The following USE1 variants were observed in gnomAD, a reference collection of about 807,000 sequenced individuals.
USE1 encodes vesicle transport protein USE1.
In USE1, 32 loss-of-function variants were observed where a neutral mutation model predicts 37.6. The ratio of observed to expected loss-of-function variants is 0.85; its 90% CI spans 0.64 to 1.14. USE1 has a LOEUF of 1.14. USE1 is among the 50% of genes most tolerant of loss of function. The pLI is 0.00. For missense variants in USE1, 310 were observed against 332.2 expected, an observed-to-expected ratio of 0.93 and a Z score of 0.52; for synonymous variants, 149 against 137.6, an observed-to-expected ratio of 1.08 and a Z score of -0.58.
In USE1 at chr19:17,215,471, G is replaced by A. The variant is rs1401923866; in HGVS notation, c.66G>A (p.Ala22=). The A allele has an allele frequency of 6.4e-7, 1 of 1,564,196 alleles. No homozygotes were observed. The highest frequency in any genetic ancestry group is 8.7e-7 in the Non-Finnish European group (1 of 1,155,984). ...RLLSRCEAMA[A]EKRDPDEWRL... is the part of the protein sequence containing the mutation. Reference sequence around the variant, plus strand: ...TATCCCGCTGCGAGGCGATGGCAGCGGAGAAACGGGACCCGGACGAGTGGC... The same window carrying A: ...TATCCCGCTGCGAGGCGATGGCAGCAGAGAAACGGGACCCGGACGAGTGGC... The change falls in exon 1 of 8, where the codon GCG becomes GCA. Residue 22 remains alanine, a synonymous_variant. Transcript: ENST00000263897.
chr19:17,218,024 C>T (rs1267438899), intron 5 of USE1: 6 of 353,894 alleles, frequency 1.7e-5, no homozygotes, highest in Admixed American at 8.6e-5. Flanking sequence ...GTAGAGGTTG[C>T]AGTGAGCTGA....
At chr19:17,217,553 T>G (rs983171877) in intron 5 of USE1, 91 bp downstream of exon 5, 5 of 1,535,204 alleles carry the variant, frequency 3.3e-6, no homozygotes, top group Admixed American at 1.9e-5. Context: ...ATGCCGAGAC[T>G]CCATGCCCTG....
In USE1 at chr19:17,216,224, C is replaced by G. The variant is rs1212962329; in HGVS notation, c.287C>G (p.Pro96Arg). The G allele has an allele frequency of 6.2e-7, 1 of 1,612,756 alleles. No homozygotes were observed. The highest frequency in any genetic ancestry group is 8.5e-7 in the Non-Finnish European group (1 of 1,179,828). Residue 96 changes from proline to arginine, a missense_variant, in exon 4 of 8, where the codon CCA becomes CGA. By Grantham distance (103) the Pro-to-Arg change is moderately radical. Transcript: ENST00000263897. ...ANQFLAPGRV[P>R]TTARERVPAT... ...CAGTTCCTGGCCCCTGGCCGTGTGC[C>G]AACCACAGCCAGAGAGCGAGTGCCC...
chr19:17,215,951 G>C, intron 2 of USE1, 41 bp from the exon 3 acceptor site: 4 of 1,583,552 alleles, frequency 2.5e-6, no homozygotes, highest in South Asian at 2.3e-5. Context: ...CTGAGCTGGG[G>C]ACCATGGACA....
In USE1 at chr19:17,218,410, G is replaced by A. The variant is rs764397061; in HGVS notation, c.422+19G>A. ...AGAGAACGTGAGTGTCTGCGGCCCT[G>A]GGGCAGTAGTGGCAATTGGGCGGTG... On this transcript the variant is annotated intron_variant, in intron 6 of 7. Transcript: ENST00000263897. The A allele has an allele frequency of 6.2e-7, 1 of 1,613,608 alleles. No individual in the cohort carries two copies. The highest frequency in any genetic ancestry group is 1.1e-5 in the South Asian group (1 of 91,080).
intron 1 of USE1, 103 bp downstream of exon 1, chr19:17,215,610 GCAGCGC>G: frequency 7.0e-7 from 1 of 1,433,648 alleles, no homozygotes; most frequent in Non-Finnish European, 9.4e-7. Flanking sequence ...AGCCTCTCGG[GCAGCGC>G]CCTTTCCGGT....
chr19:17,216,274 T>C lies in USE1; in HGVS notation c.337T>C (p.Ser113Pro). 2 of 1,613,054 alleles carry C rather than the reference T, an allele frequency of 1.2e-6. No individual in the cohort carries two copies. Among genetic ancestry groups the C allele is most frequent in the Non-Finnish European group, 1.7e-6 (2 of 1,179,826 alleles). Residue 113 changes from serine (S) to proline (P), a missense_variant, in exon 4 of 8, where the codon TCA (serine) becomes CCA (proline). Physicochemically the swap from Ser to Pro is moderately conservative, Grantham distance 74. Transcript: ENST00000263897. ...CGCCACAAAGACGGTGCATCTGCAG[T>C]CACGGGCGCGGTACACCAGCGAGAT... ...VPATKTVHLQ[S>P]RARYTSEMRS...
At position 17,216,008 on chromosome 19, in the gene USE1, G is replaced by A; in HGVS notation, c.169G>A (p.Val57Met). The A allele has an allele frequency of 5.6e-6, 9 of 1,607,286 alleles. No homozygotes were observed. The highest frequency in any genetic ancestry group is 6.8e-6 in the Non-Finnish European group (8 of 1,176,952). ...KVHASKPASEVINEYSWKVDF... is the reference protein window; with the variant it reads ...KVHASKPASEMINEYSWKVDF... ...GCCTTCCAGCAAACCGGCCTCTGAG[G>A]TGATCAATGAATATTCCTGGAAGGT... Residue 57 changes from valine (V) to methionine (M), a missense_variant, in exon 3 of 8, where the codon GTG becomes ATG. By Grantham distance (21) the Val-to-Met change is conservative. Coordinates refer to ENST00000263897, the MANE Select transcript of USE1 (RefSeq NM_018467.4).
Position 17,215,997 on chromosome 19 carries a change from C to A in USE1, c.158C>A (p.Pro53Gln), listed in dbSNP as rs767501711. Reference sequence around the variant, plus strand: ...TTCTTCTTCCTGCCTTCCAGCAAACCGGCCTCTGAGGTGATCAATGAATAT... The same window carrying A: ...TTCTTCTTCCTGCCTTCCAGCAAACAGGCCTCTGAGGTGATCAATGAATAT... ...LQALKVHASK[P>Q]ASEVINEYSW... is the part of the protein sequence containing the mutation. The change falls in exon 3 of 8, where the codon CCG (proline) becomes CAG (glutamine). Residue 53 changes from proline to glutamine, a missense_variant. Coordinates refer to ENST00000263897, the MANE Select transcript of USE1 (RefSeq NM_018467.4). 1.9e-6 allele frequency: 3 copies of A among 1,604,242 alleles called. No homozygotes were observed. Among genetic ancestry groups the A allele is most frequent in the South Asian group, 1.1e-5 (1 of 89,712 alleles).
In USE1 at chr19:17,215,490, G is replaced by T; in HGVS notation, c.85G>T (p.Glu29Ter). 6.4e-7 allele frequency: 1 copy of T among 1,561,628 alleles called. No homozygotes were observed. The highest frequency in any genetic ancestry group is 2.4e-5 in the East Asian group (1 of 41,662). ...AMAAEKRDPD[E>*]WRLEKYVGAL... is the part of the protein sequence containing the mutation. The stretch of plus-strand genomic sequence containing the variant: ...GGCAGCGGAGAAACGGGACCCGGAC[G>T]AGTGGCGCCTGGAGAAGGTGAGGGG... Residue 29 changes from glutamate (E) to a stop codon, truncating the protein, a stop_gained, in exon 1 of 8, where the codon GAG becomes TAG. Transcript: ENST00000263897. LOFTEE classifies it high-confidence loss of function.
rs922461393 is a variant in USE1, at chr19:17,217,427, C to G, written c.385-26C>G. 3 of 1,609,722 alleles carry G rather than the reference C, an allele frequency of 1.9e-6. No individual in the cohort carries two copies. The African/African-American group carries it at 4.0e-5, about 22-fold the overall frequency. On this transcript the variant is annotated intron_variant, in intron 4 of 7. Transcript: ENST00000263897. The stretch of plus-strand genomic sequence containing the variant: ...CTGGGAGTGAGCCACTGCACCCAGC[C>G]TCATGCCACTTACTTCTTTCCACAG...
chr19:17,219,461 T>C, intron 7 of USE1, 74 bp downstream of exon 7: 1 of 1,470,760 alleles, frequency 6.8e-7, no homozygotes, highest in African/African-American at 1.4e-5. Context: ...AGGAGCATTG[T>C]GGCTGGGGCT....
chr19:17,217,403 TG>T, intron 4 of USE1, 49 bp from the exon 5 acceptor site: 2 of 1,603,876 alleles, frequency 1.2e-6, no homozygotes, highest in Non-Finnish European at 1.7e-6. Context: ...CCCAAAGTGC[TG>T]GGAGTGAGCC....
rs1391650972 is a variant in USE1 at position 17,219,342 on chromosome 19, G to A, written c.552G>A (p.Lys184=). Residue 184 remains lysine, a synonymous_variant, in exon 7 of 8, where the codon AAG becomes AAA. Transcript: ENST00000263897. ...EEMLGLARSL[K]TNTLAAQSVI... ...TGCTAGGACTGGCCCGGAGCCTCAA[G>A]ACCAATACCCTGGCCGCCCAGAGTG... 6.3e-7 allele frequency: 1 copy of A among 1,589,558 alleles called. No individual in the cohort carries two copies. Among genetic ancestry groups the A allele is most frequent in the African/African-American group, 1.4e-5 (1 of 74,044 alleles).
chr19:17,215,581 C>G, intron 1 of USE1, 74 bp downstream of exon 1: 3 of 1,506,630 alleles, frequency 2.0e-6, no homozygotes, highest in Non-Finnish European at 2.7e-6. Context: ...GCCACCTGGC[C>G]CGACTCCCCG....
chr19:17,219,489 G>A (rs1039601345), intron 7 of USE1, 102 bp downstream of exon 7: 1 of 1,443,234 alleles, frequency 6.9e-7, no homozygotes. Context: ...ATGAATAGGA[G>A]TTTCGTAGAA....
Position 17,216,242 on chromosome 19 carries a change from G to C in USE1, c.305G>C (p.Arg102Pro). 1.2e-6 allele frequency: 2 copies of C among 1,612,768 alleles called. No individual in the cohort carries two copies. Among genetic ancestry groups the C allele is most frequent in the Non-Finnish European group, 1.7e-6 (2 of 1,179,850 alleles). ...PGRVPTTARE[R>P]VPATKTVHLQ... ...CGTGTGCCAACCACAGCCAGAGAGCGAGTGCCCGCCACAAAGACGGTGCAT... is the reference window on the plus strand; with the variant it reads ...CGTGTGCCAACCACAGCCAGAGAGCCAGTGCCCGCCACAAAGACGGTGCAT... The change falls in exon 4 of 8, where the codon CGA becomes CCA. Residue 102 changes from arginine to proline, a missense_variant. By Grantham distance (103) the Arg-to-Pro change is moderately radical. Coordinates refer to ENST00000263897, the MANE Select transcript of USE1 (RefSeq NM_018467.4).
chr19:17,219,021 G>C (rs575880560), intron 6 of USE1, among the ~76,000 whole-genome samples, 192 bp from the exon 7 acceptor site: 1 of 151,288 alleles, frequency 6.6e-6, no homozygotes, highest in Admixed American at 6.6e-5. Flanking sequence ...CAGCTACTCA[G>C]GAGACTGAGG....
In USE1 at chr19:17,219,775, A is replaced by T. The variant is rs528918393; in HGVS notation, c.742A>T (p.Met248Leu). The T allele has an allele frequency of 6.2e-7, 1 of 1,608,810 alleles. No homozygotes were observed. Among genetic ancestry groups the T allele is most frequent in the Non-Finnish European group, 8.5e-7 (1 of 1,177,332 alleles). Residue 248 changes from methionine to leucine, a missense_variant, in exon 8 of 8, where the codon ATG becomes TTG. Coordinates refer to ENST00000263897, the MANE Select transcript of USE1 (RefSeq NM_018467.4). The part of the protein sequence containing the change: ...LIIVCFIFIS[M>L]ILFIRIMPKL... ...TATCGTCTGCTTCATCTTCATTAGC[A>T]TGATCCTCTTCATTCGAATCATGCC...
Sources: allele counts gnomAD v4.1 joint callset (sites outside exome capture counted in the v4.1 genomes callset), GRCh38; gene constraint gnomAD v4.1.1; transcripts MANE v1.5; gene names NCBI Gene and HGNC (gene_info 2026-07-23, HGNC 2026-07-21).